Variants in KIAA0513 observed in about 807,000 individuals in gnomAD.
The protein encoded by KIAA0513 is uncharacterized protein KIAA0513.
Under a neutral mutation model 56.5 loss-of-function variants are expected in KIAA0513, and 39 were observed. The observed-to-expected ratio is 0.69, with a 90% CI of 0.53 to 0.90. KIAA0513 has a LOEUF of 0.90. Ranked by LOEUF, KIAA0513 falls within the 40% of genes least tolerant of loss-of-function variation. KIAA0513 has a pLI of 0.00. For synonymous variants in KIAA0513, 268 were observed against 215.6 expected (o/e 1.24, Z -2.13); for missense variants, 591 against 535.2 (o/e 1.10, Z -1.03).
rs2073882655 is a variant in KIAA0513, at chr16:85,092,786, C to T, written c.*4461C>T. 6.6e-6 allele frequency: 1 copy of T among 152,342 alleles called. No individual in the cohort carries two copies. Among genetic ancestry groups the T allele is most frequent in the Non-Finnish European group, 1.5e-5 (1 of 68,132 alleles). 9.4% of individuals were successfully genotyped at this position (152,342 alleles called of 1,614,324 possible). A position where few individuals can be genotyped will look rare whatever the true frequency, so the allele number is the denominator to read the frequency against. ...CTGCACCCCGCCTGGCTCGCACAGG[C>T]TAAGACCACAGACAGAGCAGGGCTT... On this transcript the variant is annotated 3_prime_UTR_variant, in exon 13 of 13. Transcript: ENST00000683363.
At chr16:85,034,185 C>G (rs1228629652) in intron 1 of KIAA0513, among the ~76,000 whole-genome samples, 6 of 152,110 alleles carry the variant, frequency 3.9e-5, no homozygotes, top group African/African-American at 1.4e-4. Context: ...TCGAGACCAG[C>G]CTGGCCAACA....
At chr16:85,059,217 A>G (rs1330370262) in intron 1 of KIAA0513, among the ~76,000 whole-genome samples, 3 of 150,684 alleles carry the variant, frequency 2.0e-5, no homozygotes, top group Non-Finnish European at 2.9e-5. Flanking sequence ...TCATGGTAGA[A>G]GTGAACTGCT....
intron 12 of KIAA0513, among the ~76,000 whole-genome samples, chr16:85,087,433 G>C (rs1200441229): frequency 6.6e-6 from 1 of 152,236 alleles, no homozygotes; most frequent in Admixed American, 6.5e-5. Context: ...AGTCAGGGCA[G>C]AGGAAGAAGG....
chr16:85,071,141 T>C (rs1352951397), intron 2 of KIAA0513, among the ~76,000 whole-genome samples: 2 of 151,012 alleles, frequency 1.3e-5, no homozygotes, highest in African/African-American at 2.4e-5. Context: ...CCTGAAATCA[T>C]GTGAGCATGT....
intron 1 of KIAA0513, among the ~76,000 whole-genome samples, chr16:85,034,600 G>A (rs150862140): frequency 3.3e-5 from 5 of 152,258 alleles, no homozygotes; most frequent in African/African-American, 9.6e-5. Flanking sequence ...AGGACTCACC[G>A]GAAGGAAGGC....
rs1355863551 is a variant in KIAA0513 at position 85,081,557 on chromosome 16, C to G, written c.980+165C>G. Among the ~76,000 whole-genome samples, 1 of 152,162 alleles carries G rather than the reference C, an allele frequency of 6.6e-6. No individual in the cohort carries two copies. The highest frequency in any genetic ancestry group is 1.5e-5 in the Non-Finnish European group (1 of 68,026). ...GCCTCGCAAGCTGCCTGAGGGGTCA[C>G]AGCTTCATGGGTGGGGGTGCTCAGC... On this transcript the variant is annotated intron_variant, in intron 9 of 12. Coordinates refer to ENST00000683363, the MANE Select transcript of KIAA0513 (RefSeq NM_001388359.1). This position sits in a 1 kb window ranked among gnomAD's most constrained non-coding sequence, Gnocchi z 4.4.
At position 85,081,712 on chromosome 16, in the gene KIAA0513, G is replaced by T. The variant is rs915590788; in HGVS notation, c.980+320G>T. 6.6e-6 allele frequency among the ~76,000 whole-genome samples: 1 copy of T among 152,324 alleles called. No individual in the cohort carries two copies. Among genetic ancestry groups the T allele is most frequent in the South Asian group, 2.1e-4 (1 of 4,826 alleles). On this transcript the variant is annotated intron_variant, in intron 9 of 12. Coordinates refer to ENST00000683363, the MANE Select transcript of KIAA0513 (RefSeq NM_001388359.1). The surrounding 1 kb of genome is among the most constrained non-coding windows in gnomAD (Gnocchi z 4.4). ...CCCTGCTGTTTGCTGGACAAAATCA[G>T]CATCCTGAGGATGAACGCTTGGAGC...
At chr16:85,058,244 C>T (rs940235286) in intron 1 of KIAA0513, among the ~76,000 whole-genome samples, 1 of 152,206 alleles carries the variant, frequency 6.6e-6, no homozygotes. Flanking sequence ...TTCACTGTCA[C>T]GCCTCATGTA....
chr16:85,052,404 C>T lies in KIAA0513; in HGVS notation c.-172-14496C>T, dbSNP rs563581262. ...TCAGGCACCTGTAATCCCAGCTACT[C>T]GGGAGGCTGAGGCACCAGAATCGCT... On this transcript the variant is annotated intron_variant, in intron 1 of 12. Coordinates refer to ENST00000683363, the MANE Select transcript of KIAA0513 (RefSeq NM_001388359.1). 1.2e-4 allele frequency among the ~76,000 whole-genome samples: 19 copies of T among 152,202 alleles called. No homozygotes were observed. The South Asian group carries it at 2.7e-3, about 22-fold the overall frequency.
rs751592872 is a variant in KIAA0513, at chr16:85,093,434, A to G, written c.*5109A>G. ...CTTTATCTGCAGACTCTGGGACCTG[A>G]CAAAACAGTCAGAGCCTGAGTGCAC... On this transcript the variant is annotated 3_prime_UTR_variant, in exon 13 of 13. Transcript: ENST00000683363. 6.6e-6 allele frequency: 1 copy of G among 152,580 alleles called. No individual in the cohort carries two copies. Among genetic ancestry groups the G allele is most frequent in the Non-Finnish European group, 1.5e-5 (1 of 68,058 alleles). The allele number at this position is 152,580 out of a possible 1,614,324, so 9.5% of individuals were successfully genotyped here.
At chr16:85,047,761 C>G (rs3803636) in intron 1 of KIAA0513, among the ~76,000 whole-genome samples, 9,622 of 152,192 alleles carry the variant, frequency 0.063, 289 homozygotes, top group African/African-American at 0.07. Context: ...CTGGAGCCCC[C>G]GGGCACACTC....
At chr16:85,028,141 C>A (rs1202888167) in intron 1 of KIAA0513, among the ~76,000 whole-genome samples, 1 of 152,190 alleles carries the variant, frequency 6.6e-6, no homozygotes, top group East Asian at 1.9e-4. Context: ...GCAGTGCGGA[C>A]GCCCGTGAAT....
intron 1 of KIAA0513, among the ~76,000 whole-genome samples, chr16:85,047,515 G>A (rs550136425): frequency 6.0e-4 from 92 of 152,294 alleles, no homozygotes; most frequent in African/African-American, 2.0e-3. Flanking sequence ...AAAAGCCAGC[G>A]GGTTTTTCAC....
chr16:85,068,031 G>A (rs143508530), intron 2 of KIAA0513, among the ~76,000 whole-genome samples: 17 of 152,056 alleles, frequency 1.1e-4, no homozygotes, highest in African/African-American at 3.1e-4. Context: ...AGCTGGTCTC[G>A]AACTCCTGAC....
chr16:85,043,093 C>T (rs578099962), intron 1 of KIAA0513, among the ~76,000 whole-genome samples: 4 of 152,098 alleles, frequency 2.6e-5, no homozygotes, highest in Middle Eastern at 3.4e-3. Context: ...AGGCACAAAC[C>T]GAAATACAAT....
chr16:85,049,286 G>T (rs552633956), intron 1 of KIAA0513, among the ~76,000 whole-genome samples: 1 of 152,350 alleles, frequency 6.6e-6, no homozygotes, highest in Non-Finnish European at 1.5e-5. Flanking sequence ...TCCCATAGAG[G>T]CATGGATGTC....
In KIAA0513 at chr16:85,071,780, TAGG is replaced by T; in HGVS notation, c.330-2_330del. The T allele has an allele frequency of 1.3e-6, 2 of 1,567,886 alleles. No individual in the cohort carries two copies. Among genetic ancestry groups the T allele is most frequent in the East Asian group, 2.3e-5 (1 of 44,442 alleles). On this transcript the variant is annotated splice_acceptor_variant and coding_sequence_variant, in exon 3 of 13. Coordinates refer to ENST00000683363, the MANE Select transcript of KIAA0513 (RefSeq NM_001388359.1). Reference sequence around the variant, plus strand: ...TTCCTCTGCTCTTTTTTTTTTTTTTTAGGGAGGACTTGGATCAGGAGGAGAAAG... The same window carrying T: ...TTCCTCTGCTCTTTTTTTTTTTTTTTGAGGACTTGGATCAGGAGGAGAAAG...
chr16:85,031,902 C>T lies in KIAA0513; in HGVS notation c.-173+4044C>T, dbSNP rs138283722. Among the ~76,000 whole-genome samples the T allele has an allele frequency of 5.3e-5, 8 of 152,294 alleles. No homozygotes were observed. The East Asian group carries it at 5.8e-4, about 11-fold the overall frequency. ...TAATGGAGAATGCTTTTACTAGAGA[C>T]GGTGAAACCTAGCCTGGCTAGCGGA... On this transcript the variant is annotated intron_variant, in intron 1 of 12. Coordinates refer to ENST00000683363, the MANE Select transcript of KIAA0513 (RefSeq NM_001388359.1).
intron 1 of KIAA0513, among the ~76,000 whole-genome samples, chr16:85,059,264 T>C (rs1432745850): frequency 1.3e-5 from 2 of 152,222 alleles, no homozygotes; most frequent in East Asian, 3.8e-4. Flanking sequence ...GTATCCAGTA[T>C]TGCTGTGTTT....
Sources: allele counts gnomAD v4.1 joint callset (sites outside exome capture counted in the v4.1 genomes callset), GRCh38; gene constraint gnomAD v4.1.1; non-coding constraint Gnocchi (gnomAD v3.1); transcripts MANE v1.5; gene names NCBI Gene and HGNC (gene_info 2026-07-23, HGNC 2026-07-21).